PCLO: variants seen among roughly 807,000 people sequenced by gnomAD.
The protein encoded by PCLO is protein piccolo.
A neutral mutation model predicts 427.5 loss-of-function variants in PCLO; 82 were observed. The observed-to-expected ratio is 0.19, with a 90% CI of 0.16 to 0.23. The LOEUF (loss-of-function observed/expected upper bound fraction) is 0.23, where lower values mean the gene tolerates loss of function less well. Among genes scored for constraint, PCLO ranks in the 10% least tolerant of loss-of-function variants. The pLI is 1.00. For synonymous variants in PCLO, 2,357 were observed against 2,155.4 expected (o/e 1.09, Z -2.59); for missense variants, 6,239 against 6,115.9 (o/e 1.02, Z -0.67).
intron 6 of PCLO, among the ~76,000 whole-genome samples, chr7:82,940,720 C>A (rs1795062354): frequency 6.8e-6 from 1 of 146,324 alleles, no homozygotes. Flanking sequence ...ACTGAGACAT[C>A]AGTTCTATAA....
chr7:82,957,260 A>G (rs1388980487), intron 4 of PCLO, among the ~76,000 whole-genome samples: 1 of 152,162 alleles, frequency 6.6e-6, no homozygotes, highest in Admixed American at 6.6e-5. Flanking sequence ...TTTAGGATAA[A>G]GTTTATAAAT....
intron 3 of PCLO, among the ~76,000 whole-genome samples, chr7:83,124,662 G>GTA (rs767996220): frequency 5.3e-5 from 8 of 152,246 alleles, no homozygotes; most frequent in Non-Finnish European, 1.2e-4. Flanking sequence ...CCACTGCTAC[G>GTA]TATACATCCA....
In PCLO at chr7:83,125,086, C is replaced by T. The variant is rs1233842868; in HGVS notation, c.3300+9164G>A. On this transcript the variant is annotated intron_variant, in intron 3 of 24. Transcript: ENST00000333891. ...TGTTGCCCAGGCTGGAGTGCAGTGG[C>T]GTGATCTCGGCTCGCTACAACCTCC... Among the ~76,000 whole-genome samples the T allele has an allele frequency of 4.0e-5, 6 of 151,520 alleles. No individual in the cohort carries two copies. In the East Asian group the frequency reaches 9.7e-4, roughly 24 times the overall value.
intron 22 of PCLO, among the ~76,000 whole-genome samples, chr7:82,770,481 A>G (rs1790625683): frequency 6.6e-6 from 1 of 151,978 alleles, no homozygotes; most frequent in Non-Finnish European, 1.5e-5. Flanking sequence ...TGCTCAGTTC[A>G]TTCAGAGTAA....
At position 82,755,475 on chromosome 7, in the gene PCLO, T is replaced by A. The variant is rs1162075811; in HGVS notation, c.*3100A>T. 6.6e-6 allele frequency: 1 copy of A among 152,132 alleles called. No individual in the cohort carries two copies. Among genetic ancestry groups the A allele is most frequent in the Non-Finnish European group, 1.5e-5 (1 of 68,022 alleles). The allele number at this position is 152,132 out of a possible 1,614,324, so 9.4% of individuals were successfully genotyped here. A position where few individuals can be genotyped will look rare whatever the true frequency, so the allele number is the denominator to read the frequency against. ...CCTGTCTTTTGTAAAAAATTCACTCTGTGCTTTTGTTTCTACAGCCGAAAG... is the reference window on the plus strand; with the variant it reads ...CCTGTCTTTTGTAAAAAATTCACTCAGTGCTTTTGTTTCTACAGCCGAAAG... On this transcript the variant is annotated 3_prime_UTR_variant, in exon 25 of 25. Transcript: ENST00000333891.
At chr7:82,918,135 A>C (rs763361803) in intron 6 of PCLO, among the ~76,000 whole-genome samples, 2 of 151,994 alleles carry the variant, frequency 1.3e-5, no homozygotes, top group Non-Finnish European at 2.9e-5. Context: ...CTTTGAAATA[A>C]GGTAAAGTGA....
At chr7:83,120,391 ACT>A (rs1273016250) in intron 3 of PCLO, among the ~76,000 whole-genome samples, 3 of 127,874 alleles carry the variant, frequency 2.3e-5, no homozygotes, top group African/African-American at 9.9e-5. Flanking sequence ...TTGGAGTGAG[ACT>A]CTGCCTCAGA....
chr7:82,785,831 ACT>A (rs1383631821), intron 22 of PCLO, among the ~76,000 whole-genome samples: 1 of 152,166 alleles, frequency 6.6e-6, no homozygotes. Context: ...TGTGTGGAAG[ACT>A]CAACACAATT....
At chr7:83,101,132 C>G (rs1193439191) in intron 3 of PCLO, among the ~76,000 whole-genome samples, 1 of 151,716 alleles carries the variant, frequency 6.6e-6, no homozygotes, top group Non-Finnish European at 1.5e-5. Flanking sequence ...AGCATAATAG[C>G]TCCTCTTATT....
chr7:83,062,884 G>C (rs1013206408), intron 3 of PCLO, among the ~76,000 whole-genome samples: 1 of 151,960 alleles, frequency 6.6e-6, no homozygotes, highest in Non-Finnish European at 1.5e-5. Flanking sequence ...AATTCTATAT[G>C]ATTGCATTGA....
chr7:82,770,272 A>T (rs1225380628), intron 22 of PCLO, among the ~76,000 whole-genome samples: 2 of 152,034 alleles, frequency 1.3e-5, no homozygotes, highest in Non-Finnish European at 2.9e-5. Context: ...TTAGATTTTC[A>T]ATTGACAAAT....
At chr7:83,003,216 A>C (rs148909016) in intron 3 of PCLO, among the ~76,000 whole-genome samples, 1 of 151,490 alleles carries the variant, frequency 6.6e-6, no homozygotes, top group African/African-American at 2.4e-5. Context: ...AGAAATCTCA[A>C]ATATATATTA....
intron 22 of PCLO, among the ~76,000 whole-genome samples, chr7:82,791,645 T>C (rs1283509880): frequency 1.3e-5 from 2 of 152,214 alleles, no homozygotes; most frequent in African/African-American, 4.8e-5. Flanking sequence ...TCAGAGTCTA[T>C]TATCTCGTGT....
At position 83,059,357 on chromosome 7, in the gene PCLO, A is replaced by AAAAAT. The variant is rs1332566491; in HGVS notation, c.3300+74892_3300+74893insATTTT. 3.7e-4 allele frequency among the ~76,000 whole-genome samples: 41 copies of AAAAAT among 111,802 alleles called. 1 individual carries two copies. The highest frequency in any genetic ancestry group is 2.8e-3 in the Admixed American group (29 of 10,364). The allele number at this position is 111,802 out of a possible 152,430, so 73.3% of individuals were successfully genotyped here. On this transcript the variant is annotated intron_variant, in intron 3 of 24. Transcript: ENST00000333891. The stretch of plus-strand genomic sequence containing the variant: ...ATATATTTTATATATACACCTTTAA[A>AAAAAT]ATATATATATATATATATATATAAA...
chr7:82,998,541 GA>G (rs1299178078), intron 3 of PCLO, among the ~76,000 whole-genome samples: 1 of 151,848 alleles, frequency 6.6e-6, no homozygotes, highest in Non-Finnish European at 1.5e-5. Context: ...CATGGGAAAA[GA>G]AAATACCTAA....
chr7:82,840,742 AG>A (rs1792346112), intron 14 of PCLO, among the ~76,000 whole-genome samples: 1 of 152,016 alleles, frequency 6.6e-6, no homozygotes, highest in Admixed American at 6.6e-5. Context: ...GATGCAGCTA[AG>A]ACTCTCTTTC....
At chr7:83,102,640 T>A in intron 3 of PCLO, among the ~76,000 whole-genome samples, 1 of 151,946 alleles carries the variant, frequency 6.6e-6, no homozygotes, top group East Asian at 1.9e-4. Flanking sequence ...CACTTTATAT[T>A]ATAATGATAA....
At chr7:83,078,373 C>T (rs1790008719) in intron 3 of PCLO, among the ~76,000 whole-genome samples, 1 of 151,952 alleles carries the variant, frequency 6.6e-6, no homozygotes. Context: ...CTTTGCTGCC[C>T]TATTTTTTGA....
chr7:82,820,531 A>G (rs1791766666), intron 20 of PCLO: 2 of 1,224,446 alleles, frequency 1.6e-6, no homozygotes, highest in Non-Finnish European at 2.0e-6. Flanking sequence ...GGAGATTCAC[A>G]TGCCCAACAC....
Sources: allele counts gnomAD v4.1 joint callset (sites outside exome capture counted in the v4.1 genomes callset), GRCh38; gene constraint gnomAD v4.1.1; transcripts MANE v1.5; gene names NCBI Gene and HGNC (gene_info 2026-07-23, HGNC 2026-07-21).